MAST1: variants seen among roughly 807,000 people sequenced by gnomAD.
MAST1 encodes the protein microtubule-associated serine/threonine-protein kinase 1.
Under a neutral mutation model 124.6 loss-of-function variants are expected in MAST1, and 40 were observed. The ratio of observed to expected loss-of-function variants is 0.32; its 90% CI spans 0.25 to 0.42. The LOEUF is 0.42. Ranked by LOEUF, MAST1 falls within the 10% of genes least tolerant of loss-of-function variation. MAST1 has a pLI of 1.00. For missense variants in MAST1, 1,558 were observed against 2,181.9 expected (o/e 0.71, Z 5.70); for synonymous variants, 938 against 939.4 (o/e 1.00, Z 0.03).
At position 12,873,752 on chromosome 19, in the gene MAST1, G is replaced by A; in HGVS notation, c.3595G>A (p.Ala1199Thr). ...GTACCGCTCTGCGCGATGCAAGTCG[G>A]CCGGCAACATCCCTCTATCGCCGCT... ...RQYRSARCKS[A>T]GNIPLSPLAH... Residue 1199 changes from alanine (A) to threonine (T), a missense_variant, in exon 26 of 26, where the codon GCC (alanine) becomes ACC (threonine). This residue lies in a region of MAST1 where 291 missense variants were observed against 475.8 expected (regional missense o/e 0.61). Transcript: ENST00000251472. 6.2e-7 allele frequency: 1 copy of A among 1,601,692 alleles called. No homozygotes were observed.
chr19:12,858,818 C>T, intron 12 of MAST1, 79 bp downstream of exon 12: 1 of 1,389,492 alleles, frequency 7.2e-7, no homozygotes, highest in Non-Finnish European at 1.0e-6. Flanking sequence ...GCCTGAGCCG[C>T]AGTCTCCATA....
chr19:12,846,242 A>G (rs1969893376), intron 4 of MAST1, among the ~76,000 whole-genome samples: 1 of 150,742 alleles, frequency 6.6e-6, no homozygotes, highest in African/African-American at 2.4e-5. Flanking sequence ...AAATAGAGAC[A>G]CAGTTTCACT....
In MAST1 at chr19:12,858,562, C is replaced by T. The variant is rs780500506; in HGVS notation, c.1189C>T (p.Arg397Trp). 19 of 1,614,136 alleles carry T rather than the reference C, an allele frequency of 1.2e-5. No individual in the cohort carries two copies. Among genetic ancestry groups the T allele is most frequent in the Non-Finnish European group, 1.5e-5 (18 of 1,180,050 alleles). Residue 397 changes from arginine to tryptophan, a missense_variant, in exon 12 of 26, where the codon CGG becomes TGG. Around this residue, in one of 10 missense-constraint regions of MAST1, gnomAD observed 136 missense variants for 160.9 expected, o/e 0.85. Coordinates refer to ENST00000251472, the MANE Select transcript of MAST1 (RefSeq NM_014975.3). ...AVYLVRHRDTRQRFAMKKINK... is the reference protein window; with the variant it reads ...AVYLVRHRDTWQRFAMKKINK... ...CTACCTGGTGCGGCACCGCGACACG[C>T]GGCAGCGCTTTGCCATGAAAAAGAT...
In MAST1 at chr19:12,866,571, T is replaced by G; in HGVS notation, c.2030-82T>G. 1.1e-6 allele frequency: 1 copy of G among 903,656 alleles called. No homozygotes were observed. The highest frequency in any genetic ancestry group is 1.5e-5 in the South Asian group (1 of 68,932). The allele number at this position is 903,656 out of a possible 1,614,324, so 56.0% of individuals were successfully genotyped here. A position where few individuals can be genotyped will look rare whatever the true frequency, so the allele number is the denominator to read the frequency against. ...GACCTGAAGACTTGTAAACCCGTCT[T>G]GAACCAGGACTGGGCTCCTGTGGGG... On this transcript the variant is annotated intron_variant, in intron 17 of 25. Transcript: ENST00000251472. The surrounding 1 kb of genome is among the most constrained non-coding windows in gnomAD (Gnocchi z 5.2).
At chr19:12,855,339 G>A (rs1468104234) in intron 10 of MAST1, among the ~76,000 whole-genome samples, 1 of 152,108 alleles carries the variant, frequency 6.6e-6, no homozygotes, top group Non-Finnish European at 1.5e-5. Flanking sequence ...AGAAGTTCTA[G>A]GGCTGGGTGT....
intron 10 of MAST1, among the ~76,000 whole-genome samples, chr19:12,855,516 TG>T: frequency 6.6e-6 from 1 of 152,264 alleles, no homozygotes; most frequent in East Asian, 1.9e-4. Context: ...ACCAGCTGAG[TG>T]GGGGTGGTCC....
At chr19:12,851,789 T>C (rs1969962728) in intron 7 of MAST1, 145 bp from the exon 8 acceptor site, 2 of 643,400 alleles carry the variant, frequency 3.1e-6, no homozygotes, top group Admixed American at 5.6e-5. Context: ...CCCAGCCTCA[T>C]TATTTTTACT....
rs1037808090 is a variant in MAST1, at chr19:12,847,385, G to A, written c.423G>A (p.Glu141=). Residue 141 remains glutamate (E), a synonymous_variant, in exon 5 of 26, where the codon GAG becomes GAA. Coordinates refer to ENST00000251472, the MANE Select transcript of MAST1 (RefSeq NM_014975.3). The surrounding 1 kb of genome is among the most constrained non-coding windows in gnomAD (Gnocchi z 5.5). The part of the protein sequence containing the change: ...HFLSKHFGST[E]SITDEDGGRR... ...TCTCCAAACACTTCGGGAGCACCGA[G>A]AGCATCACAGACGAGGATGGTGGCC... 2 of 1,613,860 alleles carry A rather than the reference G, an allele frequency of 1.2e-6. No individual in the cohort carries two copies. Among genetic ancestry groups the A allele is most frequent in the Non-Finnish European group, 1.7e-6 (2 of 1,180,036 alleles).
At chr19:12,870,622 G>A (rs1282508591) in intron 22 of MAST1, among the ~76,000 whole-genome samples, 3 of 145,014 alleles carry the variant, frequency 2.1e-5, no homozygotes, top group Non-Finnish European at 4.5e-5. Context: ...CCAGGATTGC[G>A]CCACAGCACT....
intron 10 of MAST1, among the ~76,000 whole-genome samples, chr19:12,857,467 A>G (rs140304615): frequency 0.022 from 3,243 of 149,968 alleles, 59 homozygotes; most frequent in Middle Eastern, 0.066. Flanking sequence ...GCTGAAGTGC[A>G]GTGGCATGAT....
intron 3 of MAST1, among the ~76,000 whole-genome samples, chr19:12,842,848 A>G (rs927499135): frequency 6.6e-6 from 1 of 152,080 alleles, no homozygotes; most frequent in African/African-American, 2.4e-5. Flanking sequence ...GTGGAAGCAC[A>G]TGTGTCTATA....
intron 12 of MAST1, among the ~76,000 whole-genome samples, chr19:12,863,785 C>A (rs2145906118): frequency 6.6e-6 from 1 of 152,254 alleles, no homozygotes; most frequent in South Asian, 2.1e-4. Context: ...AACTGAAATA[C>A]CAATGCCAAT....
At chr19:12,868,614 A>C (rs199706905) in intron 20 of MAST1, 29 bp from the exon 21 acceptor site, 1 of 1,544,000 alleles carries the variant, frequency 6.5e-7, no homozygotes, top group East Asian at 2.3e-5. Flanking sequence ...CCTTGGACTA[A>C]TTCCTAACAC....
At chr19:12,858,318 C>A in intron 10 of MAST1, 44 bp from the exon 11 acceptor site, 2 of 1,525,074 alleles carry the variant, frequency 1.3e-6, no homozygotes, top group South Asian at 2.3e-5. Flanking sequence ...GCATCCTGCT[C>A]TCATGATGAT....
Position 12,867,824 on chromosome 19 carries a change from A to C in MAST1, c.2413A>C (p.Ser805Arg). ...RRRFSALLEP[S>R]RFSAPQEDED... ...CCGTTTCTCGGCGCTGCTGGAGCCC[A>C]GCCGCTTCAGCGCCCCCCAAGAGGA... is the stretch of plus-strand genomic sequence containing the variant. Residue 805 changes from serine (S) to arginine (R), a missense_variant, in exon 20 of 26, where the codon AGC becomes CGC. Coordinates refer to ENST00000251472, the MANE Select transcript of MAST1 (RefSeq NM_014975.3). 1 of 1,593,866 alleles carries C rather than the reference A, an allele frequency of 6.3e-7. No individual in the cohort carries two copies. The highest frequency in any genetic ancestry group is 8.5e-7 in the Non-Finnish European group (1 of 1,170,906).
rs1970140281 is a variant in MAST1 at position 12,865,485 on chromosome 19, C to T, written c.1804+4C>T. 3 of 1,573,132 alleles carry T rather than the reference C, an allele frequency of 1.9e-6. No homozygotes were observed. Among genetic ancestry groups the T allele is most frequent in the Non-Finnish European group, 2.6e-6 (3 of 1,160,764 alleles). Reference sequence around the variant, plus strand: ...CTATTTGGACAGGTCATCAGTGGTACGTGGCTTGGCAGTGTACAGGGGCAG... The same window carrying T: ...CTATTTGGACAGGTCATCAGTGGTATGTGGCTTGGCAGTGTACAGGGGCAG... On this transcript the variant is annotated splice_donor_region_variant and intron_variant, in intron 15 of 25. Coordinates refer to ENST00000251472, the MANE Select transcript of MAST1 (RefSeq NM_014975.3). This position sits in a 1 kb window ranked among gnomAD's most constrained non-coding sequence, Gnocchi z 7.1.
chr19:12,870,679 ATG>A, intron 22 of MAST1, 143 bp from the exon 23 acceptor site: 1 of 908,192 alleles, frequency 1.1e-6, no homozygotes, highest in Non-Finnish European at 1.6e-6. Flanking sequence ...AAAAAAAAAA[ATG>A]TGGGGGGAGG....
chr19:12,842,885 C>T (rs1568406719), intron 3 of MAST1, among the ~76,000 whole-genome samples: 2 of 151,854 alleles, frequency 1.3e-5, no homozygotes, highest in Admixed American at 6.6e-5. Flanking sequence ...GTCTTGCACG[C>T]GTGATTGTGC....
chr19:12,842,324 G>C (rs1302187589), intron 3 of MAST1, among the ~76,000 whole-genome samples: 2 of 150,506 alleles, frequency 1.3e-5, no homozygotes, highest in Non-Finnish European at 3.0e-5. Flanking sequence ...ACAGAGTCTC[G>C]CTCTGTTGCC....
Sources: gnomAD v4.1 joint callset for allele counts (sites outside exome capture counted in the v4.1 genomes callset) on GRCh38, gnomAD v4.1.1 for gene constraint, gnomAD v4.1.1 regional missense constraint, Gnocchi (gnomAD v3.1) non-coding constraint, MANE v1.5 for transcripts, NCBI Gene and HGNC (gene_info 2026-07-23, HGNC 2026-07-21) for gene names.